OAS2: variants seen among roughly 807,000 people sequenced by gnomAD.
The protein encoded by OAS2 is 2'-5'-oligoadenylate synthetase 2, also known as 2'-5'-oligoadenylate synthase 2.
Under a neutral mutation model 71.3 loss-of-function variants are expected in OAS2, and 67 were observed. That is an observed-to-expected ratio of 0.94 (90% CI 0.77 to 1.15). The LOEUF is 1.15. Ranked by LOEUF, OAS2 falls within the 50% of genes most tolerant of loss-of-function variation. The probability of loss-of-function intolerance (pLI) is 0.00; values close to 1 mark genes in which losing one functional copy is unlikely to be tolerated. For synonymous variants in OAS2, 327 were observed against 321.8 expected, an observed-to-expected ratio of 1.02 and a Z score of -0.17; for missense variants, 789 against 822.5, an observed-to-expected ratio of 0.96 and a Z score of 0.50.
intron 4 of OAS2, 48 bp downstream of exon 4, chr12:112,997,803 C>A: frequency 7.4e-7 from 1 of 1,359,260 alleles, no homozygotes; most frequent in South Asian, 1.5e-5. Flanking sequence ...ATCCGCATGC[C>A]AGGCATACCT....
chr12:112,979,763 C>T lies in OAS2; in HGVS notation c.177+978C>T, dbSNP rs557903729. Among the ~76,000 whole-genome samples the T allele has an allele frequency of 7.2e-5, 11 of 152,278 alleles. No individual in the cohort carries two copies. The South Asian group carries it at 2.3e-3, about 32-fold the overall frequency. The stretch of plus-strand genomic sequence containing the variant: ...TCAGCCCCCCAGAGCCCTGGGCCCC[C>T]GATCCAGTCAGCACCTCCAAACCCA... On this transcript the variant is annotated intron_variant, in intron 1 of 9. Transcript: ENST00000392583.
At chr12:112,993,902 A>G (rs370499821) in intron 2 of OAS2, among the ~76,000 whole-genome samples, 1 of 151,868 alleles carries the variant, frequency 6.6e-6, no homozygotes, top group Non-Finnish European at 1.5e-5. Flanking sequence ...AAACAAACTC[A>G]GTAGTCCTAT....
chr12:113,004,594 C>T (rs1041965926), intron 6 of OAS2, among the ~76,000 whole-genome samples: 1 of 152,116 alleles, frequency 6.6e-6, no homozygotes, highest in Non-Finnish European at 1.5e-5. Context: ...GCATTCCGCT[C>T]GATTTATTTG....
At chr12:113,004,460 C>G (rs1479117552) in intron 6 of OAS2, among the ~76,000 whole-genome samples, 2 of 152,218 alleles carry the variant, frequency 1.3e-5, no homozygotes, top group Non-Finnish European at 2.9e-5. Context: ...TACCTACTAT[C>G]TGGCCCTTTT....
chr12:112,989,424 A>G (rs928409794), intron 2 of OAS2, among the ~76,000 whole-genome samples: 1 of 152,240 alleles, frequency 6.6e-6, no homozygotes, highest in Non-Finnish European at 1.5e-5. Context: ...TGAGACATCA[A>G]TCAATGCAGG....
Position 113,009,379 on chromosome 12 carries a change from T to C in OAS2, c.*124T>C. The C allele has an allele frequency of 1.3e-6, 2 of 1,508,346 alleles. No homozygotes were observed. Among genetic ancestry groups the C allele is most frequent in the Non-Finnish European group, 1.8e-6 (2 of 1,134,484 alleles). The allele number at this position is 1,508,346 out of a possible 1,614,324, so 93.4% of individuals were successfully genotyped here. The stretch of plus-strand genomic sequence containing the variant: ...CCCAGCTCACAGGAGCTTAAACAGC[T>C]GGTCAGCCCCCTAAGCCCCCACTAC... On this transcript the variant is annotated 3_prime_UTR_variant, in exon 10 of 10. Transcript: ENST00000392583.
chr12:113,005,918 C>CAAAAAAAAAAAAAAAAAAAA (rs138299398), intron 7 of OAS2, among the ~76,000 whole-genome samples: 11 of 49,044 alleles, frequency 2.2e-4, no homozygotes, highest in Admixed American at 5.0e-4. Context: ...ACAACAACAA[C>CAAAAAAAAAAAAAAAAAAAA]AAAAAAAAAA....
chr12:112,990,315 A>G (rs561160229), intron 2 of OAS2, among the ~76,000 whole-genome samples: 1 of 152,238 alleles, frequency 6.6e-6, no homozygotes, highest in Non-Finnish European at 1.5e-5. Context: ...AAATCAGTAC[A>G]CATAAGATGT....
chr12:113,010,053 G>A lies in OAS2; in HGVS notation c.*798G>A. The stretch of plus-strand genomic sequence containing the variant: ...GGATGTTGAGCAGCATCTCTGGCCT[G>A]TACCCAGTAGATGCCACCCAGTTGT... On this transcript the variant is annotated 3_prime_UTR_variant, in exon 10 of 10. Transcript: ENST00000392583. The A allele has an allele frequency of 9.9e-7, 1 of 1,009,196 alleles. No homozygotes were observed. The highest frequency in any genetic ancestry group is 1.2e-6 in the Non-Finnish European group (1 of 838,194). The allele number at this position is 1,009,196 out of a possible 1,614,324, so 62.5% of individuals were successfully genotyped here.
chr12:112,997,659 A>C lies in OAS2; in HGVS notation c.767A>C (p.Lys256Thr). 1 of 1,614,136 alleles carries C rather than the reference A, an allele frequency of 6.2e-7. No homozygotes were observed. Among genetic ancestry groups the C allele is most frequent in the South Asian group, 1.1e-5 (1 of 91,080 alleles). The change falls in exon 4 of 10, where the codon AAA becomes ACA. Residue 256 changes from lysine to threonine, a missense_variant. Transcript: ENST00000392583. ...EGVRTVLELI[K>T]CQEKLCIYWM... is the part of the protein sequence containing the mutation. ...GTCAGAACCGTACTGGAGCTGATCA[A>C]ATGCCAGGAGAAGCTGTGTATCTAT...
chr12:113,003,904 T>C (rs2044309800), intron 6 of OAS2, among the ~76,000 whole-genome samples: 1 of 152,244 alleles, frequency 6.6e-6, no homozygotes, highest in Non-Finnish European at 1.5e-5. Flanking sequence ...ATGAGTGAAC[T>C]GTCTCATTGA....
chr12:112,994,355 G>A (rs2044217737), intron 2 of OAS2, among the ~76,000 whole-genome samples: 1 of 152,224 alleles, frequency 6.6e-6, no homozygotes, highest in African/African-American at 2.4e-5. Flanking sequence ...TATGTGGTGA[G>A]CAGCAGGACC....
chr12:112,986,473 G>T (rs2044136410), intron 1 of OAS2, among the ~76,000 whole-genome samples: 3 of 152,168 alleles, frequency 2.0e-5, no homozygotes, highest in Admixed American at 2.0e-4. Context: ...TGGGTAGGCT[G>T]GTCCCCAGGC....
At position 113,008,970 on chromosome 12, in the gene OAS2, T is replaced by C. The variant is rs1030577628; in HGVS notation, c.1896-117T>C. The C allele has an allele frequency of 3.2e-5, 48 of 1,486,986 alleles. 1 individual carries two copies. The highest frequency in any genetic ancestry group is 3.4e-5 in the Non-Finnish European group (38 of 1,117,528). 92.1% of individuals were successfully genotyped at this position (1,486,986 alleles called of 1,614,324 possible). A position where few individuals can be genotyped will look rare whatever the true frequency, so the allele number is the denominator to read the frequency against. ...AACCCTACTAGTAAATTTGAGTTGC[T>C]GACATCTAAGCTGTAAGAACACATT... On this transcript the variant is annotated intron_variant, in intron 9 of 9. Transcript: ENST00000392583.
rs749642695 is a variant in OAS2, at chr12:112,997,579, GGT to G, written c.690_691del (p.Tyr231CysfsTer12). 3.7e-6 allele frequency: 6 copies of G among 1,613,976 alleles called. No individual in the cohort carries two copies. In the African/African-American group the frequency reaches 8.0e-5, roughly 22 times the overall value. ...CTCCGTATGCCCTGGAGCTGCTTACGGTGTATGCCTGGGAACAGGGGTGCAGA... is the reference window on the plus strand; with the variant it reads ...CTCCGTATGCCCTGGAGCTGCTTACGGTATGCCTGGGAACAGGGGTGCAGA... ...LSPYALELLT[V>X]YAWEQGCRKD... On this transcript the variant is annotated frameshift_variant, in exon 4 of 10. Transcript: ENST00000392583. LOFTEE classifies it high-confidence loss of function.
rs1200764476 is a variant in OAS2 at position 113,010,327 on chromosome 12, G to T, written c.*1072G>T. On this transcript the variant is annotated 3_prime_UTR_variant, in exon 10 of 10. Transcript: ENST00000392583. ...CCCCTAACTCTTTTAAGCAATGATT[G>T]TAACTATTAGGAGACATTGCTCTCC... 6.4e-7 allele frequency: 1 copy of T among 1,570,876 alleles called. No individual in the cohort carries two copies. The highest frequency in any genetic ancestry group is 8.6e-7 in the Non-Finnish European group (1 of 1,160,432).
At position 113,009,292 on chromosome 12, in the gene OAS2, T is replaced by A; in HGVS notation, c.*37T>A. The stretch of plus-strand genomic sequence containing the variant: ...TCTGGAAATAGCCCTGTAACAGGCT[T>A]GAATCAAAGAACTTCTCCTACTGTA... On this transcript the variant is annotated 3_prime_UTR_variant, in exon 10 of 10. Coordinates refer to ENST00000392583, the MANE Select transcript of OAS2 (RefSeq NM_002535.3). The A allele has an allele frequency of 2.5e-6, 4 of 1,601,864 alleles. No homozygotes were observed. The highest frequency in any genetic ancestry group is 3.4e-6 in the Non-Finnish European group (4 of 1,174,468).
chr12:113,005,248 G>T, intron 7 of OAS2, 26 bp downstream of exon 7: 7 of 1,597,158 alleles, frequency 4.4e-6, no homozygotes, highest in Non-Finnish European at 6.0e-6. Flanking sequence ...CCTTAGCTTG[G>T]AAGTGATGGT....
At position 113,003,090 on chromosome 12, in the gene OAS2, C is replaced by A. The variant is rs755280606; in HGVS notation, c.1167C>A (p.Ile389=). 16 of 1,613,988 alleles carry A rather than the reference C, an allele frequency of 9.9e-6. No homozygotes were observed. Among genetic ancestry groups the A allele is most frequent in the Admixed American group, 3.3e-5 (2 of 60,000 alleles). ...ENCFRQSTAK[I]QIVRGGSTAK... is the part of the protein sequence containing the mutation. Reference sequence around the variant, plus strand: ...GCTTCCGACAATCAACAGCCAAGATCCAGATTGTCCGGGTGAGCACTGGCC... The same window carrying A: ...GCTTCCGACAATCAACAGCCAAGATACAGATTGTCCGGGTGAGCACTGGCC... Residue 389 remains isoleucine (I), a synonymous_variant, in exon 6 of 10, where the codon ATC becomes ATA. Transcript: ENST00000392583.
Sources: allele counts gnomAD v4.1 joint callset (sites outside exome capture counted in the v4.1 genomes callset), GRCh38; gene constraint gnomAD v4.1.1; transcripts MANE v1.5; gene names NCBI Gene and HGNC (gene_info 2026-07-23, HGNC 2026-07-21).